Variants in NCAM1 observed in about 807,000 individuals in gnomAD.
NCAM1 encodes the protein antigen recognized by monoclonal antibody 5.1H11.
A neutral mutation model predicts 109.8 loss-of-function variants in NCAM1; 14 were observed. The ratio of observed to expected loss-of-function variants is 0.13; its 90% confidence interval spans 0.08 to 0.20. NCAM1 has a LOEUF of 0.20. NCAM1 is among the 10% of genes least tolerant of loss of function. The probability of loss-of-function intolerance (pLI) is 1.00; values close to 1 mark genes in which losing one functional copy is unlikely to be tolerated. For synonymous variants in NCAM1, 418 were observed against 442.9 expected, an observed-to-expected ratio of 0.94 and a Z score of 0.70; for missense variants, 774 against 1,109.9, an observed-to-expected ratio of 0.70 and a Z score of 4.30.
At chr11:113,106,640 T>C (rs1394929305) in intron 1 of NCAM1, among the ~76,000 whole-genome samples, 2 of 152,182 alleles carry the variant, frequency 1.3e-5, no homozygotes, top group African/African-American at 4.8e-5. Flanking sequence ...AAACGGACAT[T>C]GTGGTTTCAG....
At chr11:112,977,345 G>T (rs1237198272) in intron 1 of NCAM1, 2 of 151,752 alleles carry the variant, frequency 1.3e-5, no homozygotes. Flanking sequence ...CTATTAAAAT[G>T]CAATTTCTAG....
chr11:113,156,417 G>T (rs1555103447), intron 1 of NCAM1, among the ~76,000 whole-genome samples: 1 of 152,100 alleles, frequency 6.6e-6, no homozygotes, highest in African/African-American at 2.4e-5. Flanking sequence ...GGGGGTTAAT[G>T]ACCCTAAGTT....
intron 1 of NCAM1, among the ~76,000 whole-genome samples, chr11:113,011,367 G>A (rs1019854415): frequency 4.6e-5 from 7 of 151,464 alleles, no homozygotes; most frequent in African/African-American, 1.7e-4. Context: ...TATCATTGTT[G>A]GACATTTGGG....
chr11:113,142,107 A>G (rs1247272810), intron 1 of NCAM1, among the ~76,000 whole-genome samples: 1 of 152,164 alleles, frequency 6.6e-6, no homozygotes, highest in Non-Finnish European at 1.5e-5. Flanking sequence ...TGTGACTACC[A>G]CTTATTGGGT....
At chr11:113,029,195 T>A (rs1952644609) in intron 1 of NCAM1, among the ~76,000 whole-genome samples, 1 of 152,170 alleles carries the variant, frequency 6.6e-6, no homozygotes, top group Non-Finnish European at 1.5e-5. Context: ...TCAATAACTG[T>A]ATGTGTTTCT....
At chr11:113,185,432 C>G (rs1684748993) in intron 1 of NCAM1, among the ~76,000 whole-genome samples, 1 of 152,124 alleles carries the variant, frequency 6.6e-6, no homozygotes, top group Non-Finnish European at 1.5e-5. Context: ...TACCCAATTT[C>G]AATGTTAATC....
intron 1 of NCAM1, among the ~76,000 whole-genome samples, chr11:113,183,085 C>T (rs782111734): frequency 9.9e-5 from 15 of 152,198 alleles, no homozygotes; most frequent in Admixed American, 2.0e-4. Context: ...TCTAAATGAG[C>T]GAGCTGAGAC....
At chr11:113,167,930 C>A (rs1419933848) in intron 1 of NCAM1, among the ~76,000 whole-genome samples, 1 of 152,092 alleles carries the variant, frequency 6.6e-6, no homozygotes, top group African/African-American at 2.4e-5. Context: ...TCTTCTCTCC[C>A]CAAAAAGTTG....
intron 8 of NCAM1, among the ~76,000 whole-genome samples, chr11:113,217,137 T>C (rs782488139): frequency 1.1e-4 from 17 of 152,204 alleles, no homozygotes; most frequent in Non-Finnish European, 2.4e-4. Flanking sequence ...GCTAAAATCA[T>C]AGATGTTCGG....
intron 1 of NCAM1, among the ~76,000 whole-genome samples, chr11:112,970,526 G>T (rs982457056): frequency 1.7e-4 from 26 of 152,130 alleles, no homozygotes; most frequent in Admixed American, 3.3e-4. Flanking sequence ...ATTGGGCTTA[G>T]ATTCGAAAGA....
At chr11:113,069,334 T>G (rs1338350277) in intron 1 of NCAM1, among the ~76,000 whole-genome samples, 2 of 152,146 alleles carry the variant, frequency 1.3e-5, no homozygotes, top group African/African-American at 4.8e-5. Flanking sequence ...CCAGCAGCAG[T>G]GGGCAGTAGG....
chr11:113,110,238 C>T (rs1940385377), intron 1 of NCAM1, among the ~76,000 whole-genome samples: 1 of 152,164 alleles, frequency 6.6e-6, no homozygotes, highest in Admixed American at 6.5e-5. Flanking sequence ...AGCTTCCCAG[C>T]AGAGACAGAT....
At chr11:113,108,929 G>A (rs1237252963) in intron 1 of NCAM1, among the ~76,000 whole-genome samples, 1 of 150,852 alleles carries the variant, frequency 6.6e-6, no homozygotes, top group African/African-American at 2.4e-5. Context: ...GTAGAGGTGG[G>A]GTTTCACCAT....
intron 1 of NCAM1, among the ~76,000 whole-genome samples, chr11:113,013,166 C>T (rs1165439023): frequency 1.3e-5 from 2 of 151,928 alleles, no homozygotes; most frequent in Non-Finnish European, 2.9e-5. Context: ...GAGGCTCACA[C>T]CTGTAATACC....
At chr11:113,084,720 C>T (rs550732850) in intron 1 of NCAM1, among the ~76,000 whole-genome samples, 126 of 152,280 alleles carry the variant, frequency 8.3e-4, no homozygotes, top group Non-Finnish European at 1.6e-3. Flanking sequence ...ATTTTAGAGA[C>T]AGCTTAGCAT....
intron 1 of NCAM1, among the ~76,000 whole-genome samples, chr11:113,132,631 TGTGTGTGTGTGTGTGTG>T (rs1941440605): frequency 6.6e-6 from 1 of 150,816 alleles, no homozygotes. Context: ...TGTGTGTGTG[TGTGTGTGTGTGTGTGTG>T]TGTCAGAGCG....
At chr11:113,200,019 T>C (rs1446998247) in intron 1 of NCAM1, among the ~76,000 whole-genome samples, 1 of 152,132 alleles carries the variant, frequency 6.6e-6, no homozygotes, top group Non-Finnish European at 1.5e-5. Context: ...GTGTTCTGTT[T>C]GAAAAGAGCT....
chr11:113,139,834 ACT>A (rs1289898938), intron 1 of NCAM1, among the ~76,000 whole-genome samples: 3 of 152,164 alleles, frequency 2.0e-5, no homozygotes, highest in African/African-American at 7.2e-5. Flanking sequence ...ATAGAAATAG[ACT>A]CTCACCCATA....
At chr11:113,100,663 CCTT>C (rs1230166826) in intron 1 of NCAM1, among the ~76,000 whole-genome samples, 16 of 152,250 alleles carry the variant, frequency 1.1e-4, no homozygotes, top group Non-Finnish European at 1.9e-4. Context: ...TGTCTTCTCT[CCTT>C]CTCTGCCACA....
Sources: gnomAD v4.1 joint callset for allele counts (sites outside exome capture counted in the v4.1 genomes callset) on GRCh38, gnomAD v4.1.1 for gene constraint, MANE v1.5 for transcripts, NCBI Gene and HGNC (gene_info 2026-07-23, HGNC 2026-07-21) for gene names.